NPHP1: variants seen among roughly 807,000 people sequenced by gnomAD.
NPHP1 encodes nephrocystin-1.
Under a neutral mutation model 90.4 loss-of-function variants are expected in NPHP1, and 70 were observed. That is an observed-to-expected ratio of 0.77 (90% CI 0.64 to 0.95). The LOEUF (loss-of-function observed/expected upper bound fraction) is 0.95. NPHP1 is among the 40% of genes least tolerant of loss of function. The probability of loss-of-function intolerance (pLI) is 0.00; values close to 1 mark genes in which losing one functional copy is unlikely to be tolerated. For missense variants in NPHP1, 764 were observed against 795.9 expected, an observed-to-expected ratio of 0.96 and a Z score of 0.48; for synonymous variants, 256 against 271.7, an observed-to-expected ratio of 0.94 and a Z score of 0.57.
intron 16 of NPHP1, 134 bp downstream of exon 16, chr2:110,143,408 T>G: frequency 2.8e-6 from 2 of 701,968 alleles, no homozygotes; most frequent in Non-Finnish European, 5.2e-6. Flanking sequence ...CTACTGACCT[T>G]TGGGGGAAGA....
At chr2:110,165,983 A>G (rs1398201985) in intron 6 of NPHP1, among the ~76,000 whole-genome samples, 1 of 152,220 alleles carries the variant, frequency 6.6e-6, no homozygotes, top group Non-Finnish European at 1.5e-5. Flanking sequence ...ACAAATGGTC[A>G]TAAAGCATAT....
chr2:110,184,717 C>A, intron 2 of NPHP1: 1 of 720,892 alleles, frequency 1.4e-6, no homozygotes, highest in South Asian at 1.4e-5. Flanking sequence ...TTGAGATTGT[C>A]AAGGCCATAA....
chr2:110,169,066 A>C (rs1682923423), intron 5 of NPHP1, among the ~76,000 whole-genome samples: 1 of 152,128 alleles, frequency 6.6e-6, no homozygotes, highest in Non-Finnish European at 1.5e-5. Context: ...TTATAAAAAT[A>C]AAATTCATCT....
chr2:110,136,250 T>C (rs1680190288), intron 16 of NPHP1, among the ~76,000 whole-genome samples: 1 of 152,158 alleles, frequency 6.6e-6, no homozygotes, highest in Non-Finnish European at 1.5e-5. Context: ...GCATTCCCTT[T>C]GAAAACTGGC....
intron 11 of NPHP1, among the ~76,000 whole-genome samples, chr2:110,159,006 A>C (rs1283681900): frequency 1.3e-5 from 2 of 151,936 alleles, no homozygotes; most frequent in Non-Finnish European, 2.9e-5. Context: ...AAATTTGTCA[A>C]ATGTTTTTTC....
At position 110,131,761 on chromosome 2, in the gene NPHP1, C is replaced by T. The variant is rs780787243; in HGVS notation, c.1560G>A (p.Met520Ile). 6.2e-7 allele frequency: 1 copy of T among 1,610,534 alleles called. No homozygotes were observed. The highest frequency in any genetic ancestry group is 8.5e-7 in the Non-Finnish European group (1 of 1,177,026). The change falls in exon 17 of 20, where the codon ATG (methionine) becomes ATA (isoleucine). Residue 520 changes from methionine to isoleucine, a missense_variant. By Grantham distance (10) the Met-to-Ile change is conservative (BLOSUM62 1). Coordinates refer to ENST00000445609, the MANE Select transcript of NPHP1 (RefSeq NM_001128178.3). ...AAAATATCAACAAGTGAATAGAACA[C>T]ATATTTCCAATTAATGTTTCTGGCA... is the stretch of plus-strand genomic sequence containing the variant. ...SLLPETLIGN[M>I]CSIHLLIFYR... is the part of the protein sequence containing the mutation.
intron 16 of NPHP1, among the ~76,000 whole-genome samples, chr2:110,138,695 C>T (rs554034920): frequency 4.5e-4 from 68 of 152,144 alleles, no homozygotes; most frequent in Admixed American, 1.7e-3. Flanking sequence ...CTTTGGTCCA[C>T]GGTCCCATTG....
intron 2 of NPHP1, among the ~76,000 whole-genome samples, chr2:110,198,631 A>G (rs1263576408): frequency 1.3e-5 from 2 of 152,162 alleles, no homozygotes; most frequent in Admixed American, 1.3e-4. Context: ...AACGACCTGA[A>G]GAGAATCATG....
At chr2:110,188,726 C>T (rs143541853) in intron 2 of NPHP1, among the ~76,000 whole-genome samples, 1 of 152,144 alleles carries the variant, frequency 6.6e-6, no homozygotes, top group Non-Finnish European at 1.5e-5. Context: ...GGAGGCATCA[C>T]ACCACCTAAC....
chr2:110,147,917 T>C lies in NPHP1; in HGVS notation c.1268A>G (p.Asn423Ser). ...AGCCTTATCTTTCAACGGACATACA[T>C]TGCGAATATAAGAAATTCCAAGTTC... ...LFELGISYIR[N>S]STGERGELSC... Residue 423 changes from asparagine (N) to serine (S), a missense_variant and splice_region_variant, in exon 13 of 20, where the codon AAT becomes AGT. By Grantham distance (46) the Asn-to-Ser change is conservative. Transcript: ENST00000445609. The C allele has an allele frequency of 6.6e-7, 1 of 1,518,568 alleles. No individual in the cohort carries two copies. The highest frequency in any genetic ancestry group is 9.2e-7 in the Non-Finnish European group (1 of 1,092,650). 94.1% of individuals were successfully genotyped at this position (1,518,568 alleles called of 1,614,324 possible). A position where few individuals can be genotyped will look rare whatever the true frequency, so the allele number is the denominator to read the frequency against.
At chr2:110,196,055 A>T (rs1476408942) in intron 2 of NPHP1, among the ~76,000 whole-genome samples, 1 of 152,120 alleles carries the variant, frequency 6.6e-6, no homozygotes, top group Non-Finnish European at 1.5e-5. Flanking sequence ...AAAACCCTAG[A>T]AGAAAACCTA....
intron 11 of NPHP1, among the ~76,000 whole-genome samples, chr2:110,155,261 T>C (rs924389049): frequency 6.6e-6 from 1 of 152,108 alleles, no homozygotes; most frequent in Non-Finnish European, 1.5e-5. Flanking sequence ...TTCAAGAGGA[T>C]GTATGATATG....
At chr2:110,179,502 T>G in intron 3 of NPHP1, 122 bp downstream of exon 3, 1 of 605,448 alleles carries the variant, frequency 1.7e-6, no homozygotes, top group Non-Finnish European at 3.0e-6. Context: ...CAGCACTGGC[T>G]GCAGTTAGAC....
At chr2:110,182,877 G>A (rs985730677) in intron 2 of NPHP1, among the ~76,000 whole-genome samples, 11 of 151,964 alleles carry the variant, frequency 7.2e-5, no homozygotes, top group African/African-American at 1.7e-4. Context: ...AAGATCCATC[G>A]GTATGCTGTC....
chr2:110,152,212 G>T (rs1681523919), intron 11 of NPHP1, among the ~76,000 whole-genome samples: 1 of 152,050 alleles, frequency 6.6e-6, no homozygotes, highest in African/African-American at 2.4e-5. Flanking sequence ...CTAACTACTT[G>T]GGAGGCTACG....
intron 19 of NPHP1, chr2:110,125,390 C>T (rs558271493): frequency 7.0e-7 from 1 of 1,426,534 alleles, no homozygotes; most frequent in East Asian, 2.5e-5. Context: ...TTAGAAACTT[C>T]CCCTTTATTT....
At chr2:110,134,592 T>G (rs1177055013) in intron 16 of NPHP1, among the ~76,000 whole-genome samples, 1 of 146,950 alleles carries the variant, frequency 6.8e-6, no homozygotes, top group Non-Finnish European at 1.5e-5. Context: ...CTCAACAAAA[T>G]ACTAGCAAAG....
At chr2:110,170,173 G>A (rs1335081377) in intron 4 of NPHP1, among the ~76,000 whole-genome samples, 175 bp from the exon 5 acceptor site, 1 of 152,166 alleles carries the variant, frequency 6.6e-6, no homozygotes, top group African/African-American at 2.4e-5. Context: ...TGTGCCTGGA[G>A]AGACTGAGGC....
chr2:110,137,424 A>T (rs139853616), intron 16 of NPHP1, among the ~76,000 whole-genome samples: 2,035 of 152,262 alleles, frequency 0.013, 52 homozygotes, highest in African/African-American at 0.046. Context: ...CAATCTACTC[A>T]TCTGACAAAG....
Sources: gnomAD v4.1 joint callset for allele counts (sites outside exome capture counted in the v4.1 genomes callset) on GRCh38, gnomAD v4.1.1 for gene constraint, MANE v1.5 for transcripts, NCBI Gene and HGNC (gene_info 2026-07-23, HGNC 2026-07-21) for gene names.